Variants in ADSL observed in about 807,000 individuals in gnomAD.
The protein encoded by ADSL is adenylosuccinase.
ADSL carries 44 observed loss-of-function variants against 62.1 expected under a neutral mutation model. The observed-to-expected ratio is 0.71, with a 90% CI of 0.56 to 0.91. ADSL has a LOEUF of 0.91. Ranked by LOEUF, ADSL falls within the 40% of genes least tolerant of loss-of-function variation. The pLI is 0.00. For missense variants in ADSL, 531 were observed against 627.4 expected, an observed-to-expected ratio of 0.85 and a Z score of 1.64; for synonymous variants, 198 against 220.5, an observed-to-expected ratio of 0.90 and a Z score of 0.90.
intron 4 of ADSL, among the ~76,000 whole-genome samples, chr22:40,358,570 C>G (rs544743245): frequency 3.4e-4 from 52 of 152,232 alleles, no homozygotes; most frequent in Admixed American, 2.2e-3. Context: ...GGCAACAGAG[C>G]AAGACCCAGT....
chr22:40,382,082 C>T (rs1012850681), intron 2 of ADSL, among the ~76,000 whole-genome samples: 1 of 152,018 alleles, frequency 6.6e-6, no homozygotes, highest in African/African-American at 2.4e-5. Context: ...GGGTGTGACA[C>T]AGAGTAAGCA....
intron 1 of ADSL, chr22:40,349,024 T>TA (rs1279380532): frequency 6.4e-6 from 1 of 155,704 alleles, no homozygotes; most frequent in Admixed American, 6.5e-5. Flanking sequence ...CAAAACTACT[T>TA]ACAGAATTTC....
At chr22:40,353,248 T>A (rs1018212932) in intron 3 of ADSL, 131 bp downstream of exon 3, 16 of 751,948 alleles carry the variant, frequency 2.1e-5, no homozygotes, top group Non-Finnish European at 3.4e-5. Flanking sequence ...ATGACAACCC[T>A]ATGTTTAATC....
At chr22:40,357,064 T>G (rs2044589522) in intron 4 of ADSL, among the ~76,000 whole-genome samples, 1 of 151,548 alleles carries the variant, frequency 6.6e-6, no homozygotes. Context: ...CTTGGCCAGT[T>G]TTTGTATTTT....
At chr22:40,355,747 G>A (rs1386218262) in intron 4 of ADSL, among the ~76,000 whole-genome samples, 3 of 152,170 alleles carry the variant, frequency 2.0e-5, no homozygotes, top group African/African-American at 7.2e-5. Flanking sequence ...AAGGAAAACA[G>A]TAAGATTAAT....
intron 2 of ADSL, among the ~76,000 whole-genome samples, chr22:40,384,119 C>T (rs2048040150): frequency 6.6e-6 from 1 of 152,050 alleles, no homozygotes. Context: ...TGGCATGCGC[C>T]CGTAGTCCTA....
At chr22:40,348,608 T>G (rs1015845101) in intron 1 of ADSL, 1 of 398,528 alleles carries the variant, frequency 2.5e-6, no homozygotes, top group Non-Finnish European at 4.4e-6. Context: ...CTAGAACTTC[T>G]GGACTCAAGC....
chr22:40,351,424 A>C (rs2044342781), intron 2 of ADSL, among the ~76,000 whole-genome samples: 1 of 151,908 alleles, frequency 6.6e-6, no homozygotes, highest in Admixed American at 6.6e-5. Flanking sequence ...TACCCTCCTC[A>C]GCCCCCCAAA....
At position 40,366,492 on chromosome 22, in the gene ADSL, G is replaced by A; in HGVS notation, c.1425G>A (p.Val475=). 6.2e-7 allele frequency: 1 copy of A among 1,613,328 alleles called. No homozygotes were observed. The highest frequency in any genetic ancestry group is 8.5e-7 in the Non-Finnish European group (1 of 1,179,294). ...VYPLLKPYES[V]MKVKAELCL is the part of the protein sequence containing the mutation. ...CCCTGTTAAAACCATATGAAAGCGT[G>A]ATGAAGGTGAAAGCAGAATTATGTC... The change falls in exon 13 of 13, where the codon GTG becomes GTA. Residue 475 remains valine, a synonymous_variant. Coordinates refer to ENST00000623063, the MANE Select transcript of ADSL (RefSeq NM_000026.4).
At chr22:40,378,451 G>A (rs145558169) in intron 2 of ADSL, among the ~76,000 whole-genome samples, 6 of 150,850 alleles carry the variant, frequency 4.0e-5, no homozygotes, top group African/African-American at 7.3e-5. Flanking sequence ...TAATATGGCC[G>A]GGCACGGTGG....
At chr22:40,360,998 TC>T in intron 7 of ADSL, 1 of 489,406 alleles carries the variant, frequency 2.0e-6, no homozygotes, top group Non-Finnish European at 3.8e-6. Context: ...ACCGCGCCCA[TC>T]CTGAATTAAT....
At chr22:40,350,775 C>T (rs1053516721) in intron 2 of ADSL, among the ~76,000 whole-genome samples, 2 of 151,992 alleles carry the variant, frequency 1.3e-5, no homozygotes, top group South Asian at 2.1e-4. Context: ...CCTGCCACCA[C>T]GCCGCCTGGC....
At chr22:40,349,375 CTTTTTTTT>C (rs71263543) in intron 1 of ADSL, among the ~76,000 whole-genome samples, 2 of 135,928 alleles carry the variant, frequency 1.5e-5, no homozygotes, top group African/African-American at 5.4e-5. Context: ...TTGGAGCTTT[CTTTTTTTT>C]TTTTTTTTGG....
chr22:40,362,920 A>C lies in ADSL; in HGVS notation c.1011-61A>C, dbSNP rs1350947992. 2.7e-6 allele frequency: 4 copies of C among 1,458,076 alleles called. No homozygotes were observed. In the East Asian group the frequency reaches 9.1e-5, roughly 33 times the overall value. 90.3% of individuals were successfully genotyped at this position (1,458,076 alleles called of 1,614,324 possible). On this transcript the variant is annotated intron_variant, in intron 9 of 12. Transcript: ENST00000623063. Reference sequence around the variant, plus strand: ...TCAGTAGGGCAACTTGTTGGGACACACACTGCATTTCACTGAAATTATTTG... The same window carrying C: ...TCAGTAGGGCAACTTGTTGGGACACCCACTGCATTTCACTGAAATTATTTG...
At chr22:40,380,429 C>G (rs1601768272) in intron 2 of ADSL, among the ~76,000 whole-genome samples, 1 of 149,628 alleles carries the variant, frequency 6.7e-6, no homozygotes, top group Middle Eastern at 3.5e-3. Flanking sequence ...TGCAGTGGCA[C>G]TATCTCAGCT....
In ADSL at chr22:40,350,620, AT is replaced by A. The variant is rs561019643; in HGVS notation, c.357+597del. 3.7e-3 allele frequency among the ~76,000 whole-genome samples: 548 copies of A among 147,314 alleles called. 6 individuals carry two copies. The highest frequency in any genetic ancestry group is 0.03 in the South Asian group (139 of 4,680). On this transcript the variant is annotated intron_variant, in intron 2 of 12. Coordinates refer to ENST00000623063, the MANE Select transcript of ADSL (RefSeq NM_000026.4). ...ATGGCTGAGGTAATTTTTCAAAGGA[AT>A]TTTTTTTTTTTCTTTGAGATGGAGT... is the stretch of plus-strand genomic sequence containing the variant.
At position 40,346,727 on chromosome 22, in the gene ADSL, C is replaced by G. The variant is rs747783480; in HGVS notation, c.153+16C>G. 8 of 1,593,740 alleles carry G rather than the reference C, an allele frequency of 5.0e-6. No homozygotes were observed. The highest frequency in any genetic ancestry group is 2.2e-5 in the South Asian group (2 of 88,932). Reference sequence around the variant, plus strand: ...GGCCGAGCAGGTAACGGATCCCGGGCTGAGGGGCTGGGCCGGGAGGGACGG... The same window carrying G: ...GGCCGAGCAGGTAACGGATCCCGGGGTGAGGGGCTGGGCCGGGAGGGACGG... On this transcript the variant is annotated intron_variant, in intron 1 of 12. Coordinates refer to ENST00000623063, the MANE Select transcript of ADSL (RefSeq NM_000026.4).
At chr22:40,387,011 T>C (rs1273152523) in intron 2 of ADSL, among the ~76,000 whole-genome samples, 1 of 152,154 alleles carries the variant, frequency 6.6e-6, no homozygotes, top group Non-Finnish European at 1.5e-5. Context: ...GTCAAGATAT[T>C]TTGTTCCCGC....
At chr22:40,382,053 C>A (rs2047659391) in intron 2 of ADSL, among the ~76,000 whole-genome samples, 1 of 152,034 alleles carries the variant, frequency 6.6e-6, no homozygotes, top group South Asian at 2.1e-4. Context: ...GTTCACTGTC[C>A]TGTCTAGGAT....
Sources: allele counts gnomAD v4.1 joint callset (sites outside exome capture counted in the v4.1 genomes callset), GRCh38; gene constraint gnomAD v4.1.1; transcripts MANE v1.5; gene names NCBI Gene and HGNC (gene_info 2026-07-23, HGNC 2026-07-21).